The following PANX1 variants were observed in gnomAD, a reference collection of about 807,000 sequenced individuals.
PANX1 encodes the protein pannexin 1, also known as pannexin-1.
A neutral mutation model predicts 38.7 loss-of-function variants in PANX1; 30 were observed. That is an observed-to-expected ratio of 0.78 (90% CI 0.58 to 1.05). PANX1 has a LOEUF of 1.05. Ranked by LOEUF, PANX1 falls within the 50% of genes least tolerant of loss-of-function variation. The probability of loss-of-function intolerance (pLI) is 0.00; values close to 1 mark genes in which losing one functional copy is unlikely to be tolerated. For synonymous variants in PANX1, 230 were observed against 212.2 expected (o/e 1.08, Z -0.73); for missense variants, 551 against 517.2 (o/e 1.07, Z -0.63).
chr11:94,152,017 G>A (rs1946887482), intron 1 of PANX1, among the ~76,000 whole-genome samples: 1 of 149,490 alleles, frequency 6.7e-6, no homozygotes, highest in Non-Finnish European at 1.5e-5. Flanking sequence ...TAAGCATAAA[G>A]GCCACTCCCT....
intron 2 of PANX1, among the ~76,000 whole-genome samples, chr11:94,159,216 T>A (rs1946990864): frequency 8.3e-6 from 1 of 120,044 alleles, no homozygotes; most frequent in African/African-American, 2.9e-5. Flanking sequence ...TTCTTTTTTT[T>A]TGTTGTTGTG....
At chr11:94,133,857 G>A (rs1214827929) in intron 1 of PANX1, among the ~76,000 whole-genome samples, 2 of 152,172 alleles carry the variant, frequency 1.3e-5, no homozygotes, top group African/African-American at 4.8e-5. Flanking sequence ...TGAAGGAAGT[G>A]CCAGAGCACA....
chr11:94,146,860 A>G (rs993840395), intron 1 of PANX1, among the ~76,000 whole-genome samples: 1 of 152,160 alleles, frequency 6.6e-6, no homozygotes, highest in Admixed American at 6.5e-5. Flanking sequence ...CGTTTGGGAG[A>G]TCTGACTATA....
chr11:94,158,610 C>T (rs959151070), intron 2 of PANX1, among the ~76,000 whole-genome samples: 4 of 152,146 alleles, frequency 2.6e-5, no homozygotes, highest in African/African-American at 7.2e-5. Flanking sequence ...TATCCTGAGA[C>T]TTTGCTGAAG....
At chr11:94,144,868 T>C (rs1372313298) in intron 1 of PANX1, among the ~76,000 whole-genome samples, 1 of 152,154 alleles carries the variant, frequency 6.6e-6, no homozygotes. Context: ...CCTTTATTTC[T>C]CCTCTGTAAA....
Position 94,159,986 on chromosome 11 carries a change from C to T in PANX1, c.321+6356C>T, listed in dbSNP as rs368359413. ...ATTTCTGTCTTCATTTCGTTATGTA[C>T]CCAGTAGTCATTCAGGAGCAGGTTG... is the stretch of plus-strand genomic sequence containing the variant. On this transcript the variant is annotated intron_variant, in intron 2 of 4. Transcript: ENST00000227638. Among the ~76,000 whole-genome samples the T allele has an allele frequency of 2.8e-3, 429 of 151,996 alleles. 4 individuals are homozygous for T. The highest frequency in any genetic ancestry group is 0.014 in the Middle Eastern group (4 of 292).
At chr11:94,168,386 G>T (rs1591522515) in intron 2 of PANX1, among the ~76,000 whole-genome samples, 1 of 151,754 alleles carries the variant, frequency 6.6e-6, no homozygotes, top group Admixed American at 6.6e-5. Context: ...CCTGAGCAGG[G>T]TGAACTTGGC....
At chr11:94,137,077 G>T (rs975676375) in intron 1 of PANX1, among the ~76,000 whole-genome samples, 1 of 152,104 alleles carries the variant, frequency 6.6e-6, no homozygotes, top group Non-Finnish European at 1.5e-5. Context: ...AGGCCAAGGC[G>T]AGCGGATCAT....
intron 2 of PANX1, among the ~76,000 whole-genome samples, chr11:94,157,648 G>C (rs1470826203): frequency 5.3e-5 from 8 of 152,134 alleles, no homozygotes; most frequent in Admixed American, 5.2e-4. Context: ...CCCTTTGTCA[G>C]ATGAGTAGGT....
intron 1 of PANX1, among the ~76,000 whole-genome samples, chr11:94,142,147 TC>T (rs1421378131): frequency 2.0e-5 from 3 of 152,148 alleles, no homozygotes; most frequent in Admixed American, 6.5e-5. Context: ...ACAGCCCAGC[TC>T]AGAAGCTGCT....
At chr11:94,146,351 A>G (rs1407952650) in intron 1 of PANX1, among the ~76,000 whole-genome samples, 1 of 148,964 alleles carries the variant, frequency 6.7e-6, no homozygotes, top group Non-Finnish European at 1.5e-5. Context: ...TGGAAAAAAA[A>G]TACTTATTTT....
intron 3 of PANX1, 38 bp downstream of exon 3, chr11:94,178,630 A>G: frequency 6.6e-7 from 1 of 1,519,220 alleles, no homozygotes; most frequent in East Asian, 2.3e-5. Context: ...CGGGTTTTGT[A>G]GGACAAATTC....
intron 2 of PANX1, among the ~76,000 whole-genome samples, chr11:94,167,230 T>C (rs1015138888): frequency 2.6e-5 from 4 of 152,132 alleles, no homozygotes; most frequent in African/African-American, 9.7e-5. Flanking sequence ...CTGCCTGGGT[T>C]TAGGGGAGGG....
At chr11:94,173,771 C>G (rs557803958) in intron 2 of PANX1, among the ~76,000 whole-genome samples, 2 of 151,796 alleles carry the variant, frequency 1.3e-5, no homozygotes, top group African/African-American at 2.4e-5. Flanking sequence ...TGATTTTGCC[C>G]TCTACCAGTG....
intron 1 of PANX1, among the ~76,000 whole-genome samples, chr11:94,142,862 G>A (rs1946779688): frequency 6.6e-6 from 1 of 152,242 alleles, no homozygotes. Flanking sequence ...TGGAGCCCTG[G>A]GGAGGGCGTG....
In PANX1 at chr11:94,161,625, A is replaced by AT. The variant is rs567277459; in HGVS notation, c.321+8003dup. On this transcript the variant is annotated intron_variant, in intron 2 of 4. Transcript: ENST00000227638. Reference sequence around the variant, plus strand: ...GTTATTCTAGTTAGCCATTTGTCTAATTTTTTTTCAAGGTTTTTAACTTCT... The same window carrying AT: ...GTTATTCTAGTTAGCCATTTGTCTAATTTTTTTTTCAAGGTTTTTAACTTCT... 2.2e-3 allele frequency among the ~76,000 whole-genome samples: 336 copies of AT among 151,672 alleles called. 2 individuals carry two copies. Among genetic ancestry groups the AT allele is most frequent in the African/African-American group, 7.7e-3 (319 of 41,330 alleles).
intron 2 of PANX1, among the ~76,000 whole-genome samples, chr11:94,154,372 G>T (rs1204948641): frequency 6.6e-6 from 1 of 152,214 alleles, no homozygotes; most frequent in Admixed American, 6.5e-5. Context: ...TGTTCTCTGA[G>T]TTATGAAGTG....
intron 2 of PANX1, among the ~76,000 whole-genome samples, chr11:94,174,147 T>C (rs1288866776): frequency 1.3e-5 from 2 of 150,832 alleles, no homozygotes; most frequent in African/African-American, 5.0e-5. Context: ...GGACCCACCC[T>C]AATTTATCAT....
intron 1 of PANX1, among the ~76,000 whole-genome samples, chr11:94,140,070 A>G (rs918163109): frequency 6.6e-6 from 1 of 152,230 alleles, no homozygotes; most frequent in African/African-American, 2.4e-5. Flanking sequence ...TAGAGTAGAA[A>G]TGCTTTGAAA....
Sources: allele counts gnomAD v4.1 joint callset (sites outside exome capture counted in the v4.1 genomes callset), GRCh38; gene constraint gnomAD v4.1.1; transcripts MANE v1.5; gene names NCBI Gene and HGNC (gene_info 2026-07-23, HGNC 2026-07-21).